GMDS: variants seen among roughly 807,000 people sequenced by gnomAD.
GMDS encodes GDP-mannose 4,6 dehydratase.
In GMDS, 20 loss-of-function variants were observed where a neutral mutation model predicts 49.9. That is an observed-to-expected ratio of 0.40 (90% CI 0.28 to 0.58). GMDS has a LOEUF of 0.58. Among genes scored for constraint, GMDS ranks in the 20% least tolerant of loss-of-function variants. The probability of loss-of-function intolerance (pLI) is 0.42; values close to 1 mark genes in which losing one functional copy is unlikely to be tolerated. For synonymous variants in GMDS, 177 were observed against 178.6 expected (o/e 0.99, Z 0.07); for missense variants, 362 against 481.4 (o/e 0.75, Z 2.32).
chr6:2,005,920 T>C (rs1413718569), intron 4 of GMDS, among the ~76,000 whole-genome samples: 4 of 152,166 alleles, frequency 2.6e-5, no homozygotes, highest in Admixed American at 6.5e-5. Context: ...CTCGACACCC[T>C]TGACACTTGG....
chr6:1,973,270 C>A (rs1449264675), intron 4 of GMDS, among the ~76,000 whole-genome samples: 4 of 152,180 alleles, frequency 2.6e-5, no homozygotes, highest in African/African-American at 9.7e-5. Flanking sequence ...TAGAGATGTA[C>A]ACACAATCAA....
chr6:1,654,848 G>A (rs112722790), intron 9 of GMDS, among the ~76,000 whole-genome samples: 1 of 152,044 alleles, frequency 6.6e-6, no homozygotes, highest in Non-Finnish European at 1.5e-5. Context: ...GGATCATGAG[G>A]TCAAGAGATT....
intron 9 of GMDS, among the ~76,000 whole-genome samples, chr6:1,649,092 G>C (rs1260213372): frequency 1.3e-5 from 2 of 152,138 alleles, no homozygotes; most frequent in South Asian, 4.1e-4. Context: ...ATCAGGTTTT[G>C]GGTTATGCTG....
At chr6:1,939,661 A>C (rs576914046) in intron 6 of GMDS, among the ~76,000 whole-genome samples, 17 of 152,094 alleles carry the variant, frequency 1.1e-4, no homozygotes, top group African/African-American at 4.1e-4. Context: ...AAGCATACCA[A>C]CATAACATCT....
chr6:2,168,125 G>A (rs1777759171), intron 1 of GMDS, among the ~76,000 whole-genome samples: 1 of 151,868 alleles, frequency 6.6e-6, no homozygotes, highest in African/African-American at 2.4e-5. Context: ...CTTCTCTAAG[G>A]GTGCCCCTTC....
At chr6:1,843,095 G>A (rs1338978505) in intron 7 of GMDS, among the ~76,000 whole-genome samples, 2 of 136,140 alleles carry the variant, frequency 1.5e-5, no homozygotes, top group Non-Finnish European at 3.2e-5. Context: ...GAGCAACAGA[G>A]TAAGACCCTG....
chr6:1,815,133 G>C (rs534986321), intron 7 of GMDS, among the ~76,000 whole-genome samples: 2 of 152,154 alleles, frequency 1.3e-5, no homozygotes, highest in African/African-American at 4.8e-5. Context: ...GAAAGCTGGG[G>C]CTCCACTCTG....
At chr6:1,649,132 A>T (rs1763574825) in intron 9 of GMDS, among the ~76,000 whole-genome samples, 1 of 152,226 alleles carries the variant, frequency 6.6e-6, no homozygotes, top group East Asian at 1.9e-4. Context: ...TCTAGGGTTC[A>T]TGGGGCAGGA....
chr6:2,087,927 ATT>A (rs1773104791), intron 4 of GMDS, among the ~76,000 whole-genome samples: 1 of 152,186 alleles, frequency 6.6e-6, no homozygotes, highest in Non-Finnish European at 1.5e-5. Context: ...TTCTGTTGAC[ATT>A]TTGTTTATGC....
chr6:2,175,379 G>C (rs966843593), intron 1 of GMDS, among the ~76,000 whole-genome samples: 1 of 152,186 alleles, frequency 6.6e-6, no homozygotes, highest in Non-Finnish European at 1.5e-5. Flanking sequence ...TGAGCTCAAA[G>C]AGGAAATTCT....
intron 1 of GMDS, among the ~76,000 whole-genome samples, chr6:2,160,089 G>T (rs1311584078): frequency 2.0e-5 from 3 of 152,052 alleles, no homozygotes; most frequent in African/African-American, 7.2e-5. Context: ...AACAATTTAA[G>T]CCTAAATATT....
intron 9 of GMDS, among the ~76,000 whole-genome samples, chr6:1,657,804 T>C (rs900703185): frequency 1.1e-4 from 16 of 150,262 alleles, no homozygotes; most frequent in Non-Finnish European, 2.4e-4. Flanking sequence ...TTCTCTGTCA[T>C]TTCTTTTATT....
intron 9 of GMDS, among the ~76,000 whole-genome samples, chr6:1,667,007 A>G (rs1764258508): frequency 6.6e-6 from 1 of 152,236 alleles, no homozygotes; most frequent in African/African-American, 2.4e-5. Flanking sequence ...ACCAGAACTC[A>G]GCGAGAAGAG....
At chr6:2,060,752 G>A (rs1281529373) in intron 4 of GMDS, among the ~76,000 whole-genome samples, 10 of 152,176 alleles carry the variant, frequency 6.6e-5, no homozygotes, top group African/African-American at 9.7e-5. Flanking sequence ...GAAGGGGGCC[G>A]GGCGCGGTGA....
chr6:2,118,540 G>A (rs561403272), intron 2 of GMDS, among the ~76,000 whole-genome samples: 3 of 152,134 alleles, frequency 2.0e-5, no homozygotes, highest in Admixed American at 1.3e-4. Flanking sequence ...TTCCAAATAC[G>A]GAGGTAAATT....
chr6:2,090,327 G>A (rs1053940241), intron 4 of GMDS, among the ~76,000 whole-genome samples: 1 of 152,132 alleles, frequency 6.6e-6, no homozygotes, highest in Non-Finnish European at 1.5e-5. Flanking sequence ...ACATGTATAA[G>A]AAATTCCTAT....
chr6:1,641,316 C>A (rs1763322981), intron 9 of GMDS, among the ~76,000 whole-genome samples: 1 of 152,170 alleles, frequency 6.6e-6, no homozygotes, highest in Non-Finnish European at 1.5e-5. Context: ...GTCACTGTCA[C>A]GTTAGTGAAG....
chr6:1,656,313 CCT>C (rs1252327263), intron 9 of GMDS, among the ~76,000 whole-genome samples: 3 of 152,212 alleles, frequency 2.0e-5, no homozygotes, highest in Admixed American at 6.5e-5. Context: ...TGGTTTTTGC[CCT>C]CTTTCTTTTT....
At chr6:2,187,194 T>C (rs1371588132) in intron 1 of GMDS, among the ~76,000 whole-genome samples, 2 of 152,164 alleles carry the variant, frequency 1.3e-5, no homozygotes, top group African/African-American at 2.4e-5. Flanking sequence ...CAGGCTGGTG[T>C]GCAGGTAAAG....
Sources: gnomAD v4.1 joint callset for allele counts (sites outside exome capture counted in the v4.1 genomes callset) on GRCh38, gnomAD v4.1.1 for gene constraint, MANE v1.5 for transcripts, NCBI Gene and HGNC (gene_info 2026-07-23, HGNC 2026-07-21) for gene names.